Variants in TCERG1L observed in about 807,000 individuals in gnomAD.
TCERG1L encodes the protein transcription elongation regulator 1 like, also known as transcription elongation regulator 1-like protein.
A neutral mutation model predicts 56.3 loss-of-function variants in TCERG1L; 37 were observed. The observed-to-expected ratio is 0.66, with a 90% CI of 0.51 to 0.87. The LOEUF (loss-of-function observed/expected upper bound fraction) is 0.87. Among genes scored for constraint, TCERG1L ranks in the 40% least tolerant of loss-of-function variants. TCERG1L has a pLI of 0.00. For synonymous variants in TCERG1L, 324 were observed against 326.3 expected (o/e 0.99, Z 0.08); for missense variants, 799 against 774.2 (o/e 1.03, Z -0.38).
At chr10:131,266,695 A>G (rs536402113) in intron 3 of TCERG1L, among the ~76,000 whole-genome samples, 1 of 152,024 alleles carries the variant, frequency 6.6e-6, no homozygotes, top group Non-Finnish European at 1.5e-5. Flanking sequence ...ATGAGTGTTC[A>G]GCTCTCAGCA....
intron 4 of TCERG1L, among the ~76,000 whole-genome samples, chr10:131,183,218 CT>C (rs1384310078): frequency 5.3e-5 from 8 of 152,300 alleles, no homozygotes; most frequent in African/African-American, 1.4e-4. Flanking sequence ...GCTTCTCTGA[CT>C]TAAAGCATAG....
chr10:131,255,960 T>C (rs1236970123), intron 4 of TCERG1L, among the ~76,000 whole-genome samples: 2 of 152,194 alleles, frequency 1.3e-5, no homozygotes, highest in East Asian at 3.8e-4. Flanking sequence ...CAAAAGGGGT[T>C]TGTTGGTTTA....
At chr10:131,122,816 C>T (rs1027488774) in intron 8 of TCERG1L, among the ~76,000 whole-genome samples, 9 of 152,166 alleles carry the variant, frequency 5.9e-5, no homozygotes, top group Admixed American at 4.6e-4. Flanking sequence ...GTAGGGGTGG[C>T]CTTCTTGGGG....
At chr10:131,191,392 A>G (rs1665390064) in intron 4 of TCERG1L, among the ~76,000 whole-genome samples, 1 of 144,164 alleles carries the variant, frequency 6.9e-6, no homozygotes, top group South Asian at 2.1e-4. Flanking sequence ...TCTAAAATTC[A>G]TATGGAACCA....
At chr10:131,197,758 G>T (rs1399690796) in intron 4 of TCERG1L, among the ~76,000 whole-genome samples, 1 of 151,990 alleles carries the variant, frequency 6.6e-6, no homozygotes, top group African/African-American at 2.4e-5. Flanking sequence ...AAATACAAAA[G>T]CAAAATTAAA....
rs899815009 is a variant in TCERG1L, at chr10:131,093,105, C to T, written c.*57G>A. The stretch of plus-strand genomic sequence containing the variant: ...CCCGTGTCCGTCTCCACCGTGACCC[C>T]CTCGCCCCCGGCACGCCCAGGGTCA... On this transcript the variant is annotated 3_prime_UTR_variant, in exon 12 of 12. Coordinates refer to ENST00000368642, the MANE Select transcript of TCERG1L (RefSeq NM_174937.4). 8 of 1,582,736 alleles carry T rather than the reference C, an allele frequency of 5.1e-6. No individual in the cohort carries two copies. Among genetic ancestry groups the T allele is most frequent in the Admixed American group, 1.8e-5 (1 of 57,072 alleles).
chr10:131,260,114 A>G lies in TCERG1L; in HGVS notation c.856+145T>C. 8.1e-7 allele frequency: 1 copy of G among 1,229,094 alleles called. No homozygotes were observed. The highest frequency in any genetic ancestry group is 4.1e-5 in the South Asian group (1 of 24,288). The allele number at this position is 1,229,094 out of a possible 1,614,324, so 76.1% of individuals were successfully genotyped here. ...AGGGTCCGAAGTCAAGCAAAGCCCAAACGGCCCCAGCCGAATGTTTCCCTC... is the reference window on the plus strand; with the variant it reads ...AGGGTCCGAAGTCAAGCAAAGCCCAGACGGCCCCAGCCGAATGTTTCCCTC... On this transcript the variant is annotated intron_variant, in intron 4 of 11. Coordinates refer to ENST00000368642, the MANE Select transcript of TCERG1L (RefSeq NM_174937.4). The surrounding 1 kb of genome is among the most constrained non-coding windows in gnomAD (Gnocchi z 5.8).
chr10:131,094,038 C>T (rs1006559541), intron 11 of TCERG1L, among the ~76,000 whole-genome samples: 4 of 152,348 alleles, frequency 2.6e-5, no homozygotes, highest in East Asian at 1.9e-4. Flanking sequence ...TAAGAAAATG[C>T]GAGCGACCCA....
intron 6 of TCERG1L, among the ~76,000 whole-genome samples, chr10:131,147,287 T>C (rs1845806515): frequency 2.0e-5 from 3 of 151,966 alleles, no homozygotes; most frequent in Admixed American, 6.6e-5. Context: ...GCCCCTTATC[T>C]GTGAAAAGTT....
At chr10:131,217,597 C>T (rs1323665851) in intron 4 of TCERG1L, among the ~76,000 whole-genome samples, 1 of 151,952 alleles carries the variant, frequency 6.6e-6, no homozygotes, top group African/African-American at 2.4e-5. Flanking sequence ...ACAGCAGTCA[C>T]TGTGTGCCCA....
intron 4 of TCERG1L, among the ~76,000 whole-genome samples, chr10:131,252,832 T>G (rs991696780): frequency 6.6e-6 from 1 of 152,014 alleles, no homozygotes; most frequent in African/African-American, 2.4e-5. Flanking sequence ...CAACATGATC[T>G]GCACAGTGAC....
At chr10:131,233,317 C>G (rs1845872420) in intron 4 of TCERG1L, among the ~76,000 whole-genome samples, 1 of 152,136 alleles carries the variant, frequency 6.6e-6, no homozygotes, top group African/African-American at 2.4e-5. Flanking sequence ...CACACTTATT[C>G]TGTGTTTTCA....
At chr10:131,230,610 C>T (rs11017828) in intron 4 of TCERG1L, among the ~76,000 whole-genome samples, 4 of 152,018 alleles carry the variant, frequency 2.6e-5, no homozygotes, top group South Asian at 2.1e-4. Flanking sequence ...GCTAAGCCTC[C>T]GTGTGGATGT....
At chr10:131,270,484 C>A (rs963610662) in intron 3 of TCERG1L, among the ~76,000 whole-genome samples, 3 of 152,192 alleles carry the variant, frequency 2.0e-5, no homozygotes, top group Admixed American at 1.3e-4. Context: ...GAAATGCTAT[C>A]CCACAAGGAT....
intron 4 of TCERG1L, among the ~76,000 whole-genome samples, chr10:131,216,179 C>A (rs1471261713): frequency 6.6e-6 from 1 of 152,156 alleles, no homozygotes; most frequent in Admixed American, 6.5e-5. Context: ...CTCACTCTGC[C>A]CTTGTTGGAG....
At chr10:131,299,098 T>C (rs759328662) in intron 3 of TCERG1L, among the ~76,000 whole-genome samples, 6 of 152,226 alleles carry the variant, frequency 3.9e-5, no homozygotes, top group Admixed American at 1.3e-4. Context: ...CTAGTAATAC[T>C]TTTTGTTCTG....
intron 3 of TCERG1L, among the ~76,000 whole-genome samples, chr10:131,277,932 G>T (rs1846410113): frequency 6.6e-6 from 1 of 152,150 alleles, no homozygotes; most frequent in Non-Finnish European, 1.5e-5. Context: ...AGAGCAGGGG[G>T]CTCAGGGGCC....
chr10:131,189,472 C>G (rs536163473), intron 4 of TCERG1L, among the ~76,000 whole-genome samples: 21 of 152,306 alleles, frequency 1.4e-4, no homozygotes, highest in Admixed American at 1.2e-3. Context: ...ACTTGATGAC[C>G]TCCAGTTCCA....
intron 3 of TCERG1L, among the ~76,000 whole-genome samples, chr10:131,291,564 C>T (rs1203051018): frequency 2.7e-5 from 4 of 150,606 alleles, no homozygotes; most frequent in Non-Finnish European, 5.9e-5. Context: ...GTAGCTGGGA[C>T]TACAGGCGCC....
Sources: allele counts gnomAD v4.1 joint callset (sites outside exome capture counted in the v4.1 genomes callset), GRCh38; gene constraint gnomAD v4.1.1; non-coding constraint Gnocchi (gnomAD v3.1); transcripts MANE v1.5; gene names NCBI Gene and HGNC (gene_info 2026-07-23, HGNC 2026-07-21).